CIB4: variants seen among roughly 807,000 people sequenced by gnomAD.
CIB4 encodes calcium and integrin-binding family member 4.
CIB4 carries 25 observed loss-of-function variants against 25.8 expected under a neutral mutation model. The ratio of observed to expected loss-of-function variants is 0.97; its 90% confidence interval spans 0.71 to 1.35. The LOEUF is 1.35. Ranked by LOEUF, CIB4 falls within the 40% of genes most tolerant of loss-of-function variation. The pLI is 0.00. For missense variants in CIB4, 235 were observed against 228.2 expected, an observed-to-expected ratio of 1.03 and a Z score of -0.19; for synonymous variants, 75 against 81.4, an observed-to-expected ratio of 0.92 and a Z score of 0.42.
chr2:26,590,748 G>A (rs149087589), intron 4 of CIB4, among the ~76,000 whole-genome samples: 1,836 of 152,260 alleles, frequency 0.012, 34 homozygotes, highest in African/African-American at 0.041. Context: ...ATGAAGCCTG[G>A]GCATTTATGA....
At chr2:26,583,668 T>C (rs1187515900) in intron 5 of CIB4, 121 bp downstream of exon 5, 2 of 699,248 alleles carry the variant, frequency 2.9e-6, no homozygotes, top group East Asian at 5.0e-5. Flanking sequence ...CAATGTGTCA[T>C]CTGCCTCAGG....
At chr2:26,584,857 G>A (rs1027512959) in intron 4 of CIB4, among the ~76,000 whole-genome samples, 1 of 152,096 alleles carries the variant, frequency 6.6e-6, no homozygotes, top group Non-Finnish European at 1.5e-5. Flanking sequence ...CCAGACTTCT[G>A]GGGGCCGCAC....
In CIB4 at chr2:26,589,072, CTCTTCTTCT is replaced by C. The variant is rs1184325583; in HGVS notation, c.329-5183_329-5175del. Among the ~76,000 whole-genome samples the C allele has an allele frequency of 5.1e-4, 21 of 40,832 alleles. 2 individuals carry two copies. Among genetic ancestry groups the C allele is most frequent in the African/African-American group, 1.1e-3 (8 of 7,268 alleles). The allele number at this position is 40,832 out of a possible 152,430, so 26.8% of individuals were successfully genotyped here. ...CTTCTTCTTCTTCCTCTTCCTCTTC[CTCTTCTTCT>C]TCTTCTTCTTCTTCTTCTTCTTCTT... On this transcript the variant is annotated intron_variant, in intron 4 of 6. Transcript: ENST00000288861.
At position 26,606,854 on chromosome 2, in the gene CIB4, G is replaced by A. The variant is rs574940323; in HGVS notation, c.187-11537C>T. Among the ~76,000 whole-genome samples the A allele has an allele frequency of 4.5e-4, 68 of 152,326 alleles. 1 individual carries two copies. The South Asian group carries it at 0.014, about 31-fold the overall frequency. On this transcript the variant is annotated intron_variant, in intron 3 of 6. Transcript: ENST00000288861. ...AAATGGGAGCTGTCTCCTAGTGACA[G>A]ATGGGCTGGCAGGGTCAGGCTAAGG...
intron 3 of CIB4, among the ~76,000 whole-genome samples, chr2:26,609,219 G>T (rs1162943994): frequency 6.6e-6 from 1 of 152,222 alleles, no homozygotes; most frequent in African/African-American, 2.4e-5. Flanking sequence ...GTCTGAACAG[G>T]CCTGGGTGGA....
intron 3 of CIB4, among the ~76,000 whole-genome samples, chr2:26,628,384 C>A (rs563970910): frequency 9.2e-5 from 14 of 152,262 alleles, no homozygotes; most frequent in South Asian, 4.1e-4. Context: ...AGCCTCCCCC[C>A]ACTGCTCTAC....
At chr2:26,610,964 G>T (rs1047279342) in intron 3 of CIB4, among the ~76,000 whole-genome samples, 2 of 151,792 alleles carry the variant, frequency 1.3e-5, no homozygotes, top group South Asian at 4.2e-4. Flanking sequence ...ATACACATGG[G>T]TGTCATACTC....
At chr2:26,607,491 A>T (rs17005522) in intron 3 of CIB4, among the ~76,000 whole-genome samples, 2,358 of 152,354 alleles carry the variant, frequency 0.015, 64 homozygotes, top group African/African-American at 0.053. Context: ...ACAATATCTT[A>T]TAACACATTA....
chr2:26,634,265 G>T (rs1210589928), intron 2 of CIB4, among the ~76,000 whole-genome samples: 3 of 152,178 alleles, frequency 2.0e-5, no homozygotes, highest in African/African-American at 7.2e-5. Context: ...GGGGTCAATA[G>T]TCCTTTGCTC....
chr2:26,611,681 T>C (rs1485085235), intron 3 of CIB4, among the ~76,000 whole-genome samples: 1 of 152,158 alleles, frequency 6.6e-6, no homozygotes, highest in Non-Finnish European at 1.5e-5. Flanking sequence ...GATGAGGGTG[T>C]TTATTACAAA....
chr2:26,618,059 G>A lies in CIB4; in HGVS notation c.186+11351C>T, dbSNP rs192165789. 6.8e-4 allele frequency among the ~76,000 whole-genome samples: 104 copies of A among 152,304 alleles called. 1 individual carries two copies. The highest frequency in any genetic ancestry group is 2.3e-3 in the African/African-American group (97 of 41,556). On this transcript the variant is annotated intron_variant, in intron 3 of 6. Transcript: ENST00000288861. ...ATGAAGGCTGGCTCACCCTTGGAAA[G>A]TGTGGTGAGGTGGAGGCCATGACAC...
At chr2:26,616,000 G>T (rs1358753984) in intron 3 of CIB4, among the ~76,000 whole-genome samples, 1 of 152,220 alleles carries the variant, frequency 6.6e-6, no homozygotes, top group Non-Finnish European at 1.5e-5. Context: ...TCCCACCAGC[G>T]CTGGGGGGCG....
At chr2:26,589,108 C>CTCTTCTTCTTCTTCTTCT (rs1187640015) in intron 4 of CIB4, among the ~76,000 whole-genome samples, 2 of 67,776 alleles carry the variant, frequency 3.0e-5, no homozygotes, top group South Asian at 6.0e-4. Context: ...CTTCTTCTTC[C>CTCTTCTTCTTCTTCTTCT]TCTTCTTCTT....
intron 3 of CIB4, among the ~76,000 whole-genome samples, chr2:26,615,771 C>T (rs928546546): frequency 4.6e-5 from 7 of 152,250 alleles, no homozygotes; most frequent in African/African-American, 1.7e-4. Flanking sequence ...GCCTGCTCGA[C>T]CCAGAACAGA....
intron 4 of CIB4, among the ~76,000 whole-genome samples, chr2:26,591,625 C>CA (rs907878599): frequency 6.6e-6 from 1 of 152,242 alleles, no homozygotes; most frequent in Admixed American, 6.5e-5. Flanking sequence ...GTATAATCCC[C>CA]AACCCCCTTG....
At chr2:26,635,688 G>A (rs1173214940) in intron 2 of CIB4, among the ~76,000 whole-genome samples, 1 of 152,054 alleles carries the variant, frequency 6.6e-6, no homozygotes, top group African/African-American at 2.4e-5. Flanking sequence ...CATCACAGCT[G>A]TCCCCTCACT....
rs554427562 is a variant in CIB4 at position 26,584,103 on chromosome 2, C to T, written c.329-205G>A. 9.9e-5 allele frequency among the ~76,000 whole-genome samples: 15 copies of T among 152,258 alleles called. No homozygotes were observed. The South Asian group carries it at 2.3e-3, about 23-fold the overall frequency. On this transcript the variant is annotated intron_variant, in intron 4 of 6. Transcript: ENST00000288861. ...CGGAAATACCAATGGTAGTAAGTAT[C>T]GATCGTGTGTGTACTACATGCTCAG...
chr2:26,635,757 G>C (rs1238914804), intron 2 of CIB4, among the ~76,000 whole-genome samples: 2 of 152,088 alleles, frequency 1.3e-5, no homozygotes, highest in African/African-American at 4.8e-5. Flanking sequence ...GCCCCACCAA[G>C]AAGATAACCT....
intron 2 of CIB4, among the ~76,000 whole-genome samples, chr2:26,636,985 G>C (rs1395822771): frequency 1.3e-5 from 2 of 152,046 alleles, no homozygotes; most frequent in African/African-American, 4.8e-5. Flanking sequence ...CAAATACCTG[G>C]TGTCCCTTAG....
Sources: gnomAD v4.1 joint callset for allele counts (sites outside exome capture counted in the v4.1 genomes callset) on GRCh38, gnomAD v4.1.1 for gene constraint, MANE v1.5 for transcripts, NCBI Gene and HGNC (gene_info 2026-07-23, HGNC 2026-07-21) for gene names.